ITGB3BP: variants seen among roughly 807,000 people sequenced by gnomAD.
ITGB3BP encodes the protein integrin subunit beta 3 binding protein, also known as centromere protein R.
In ITGB3BP, 27 loss-of-function variants were observed where a neutral mutation model predicts 29.1. The observed-to-expected ratio is 0.93, with a 90% CI of 0.68 to 1.28. ITGB3BP has a LOEUF of 1.28. ITGB3BP is among the 50% of genes most tolerant of loss of function. ITGB3BP has a pLI of 0.00. For synonymous variants in ITGB3BP, 61 were observed against 61.4 expected, an observed-to-expected ratio of 0.99 and a Z score of 0.03; for missense variants, 192 against 200.2, an observed-to-expected ratio of 0.96 and a Z score of 0.25.
chr1:63,492,115 C>T (rs1448330250), intron 2 of ITGB3BP, among the ~76,000 whole-genome samples: 3 of 152,024 alleles, frequency 2.0e-5, no homozygotes, highest in Non-Finnish European at 2.9e-5. Context: ...AACATTTTAA[C>T]TGTAGATCAT....
chr1:63,510,697 C>T (rs1646181503), intron 1 of ITGB3BP, among the ~76,000 whole-genome samples: 1 of 152,148 alleles, frequency 6.6e-6, no homozygotes, highest in Admixed American at 6.5e-5. Flanking sequence ...TATTGTCACA[C>T]ATCTTGAGGG....
intron 1 of ITGB3BP, among the ~76,000 whole-genome samples, chr1:63,521,572 C>G (rs930731221): frequency 3.9e-5 from 6 of 152,132 alleles, no homozygotes; most frequent in African/African-American, 1.4e-4. Flanking sequence ...TGGCTAACTC[C>G]TATAGTCCCA....
upstream of ITGB3BP, chr1:63,525,794 T>G (rs539813707): frequency 1.4e-6 from 2 of 1,401,040 alleles, no homozygotes; most frequent in Admixed American, 6.0e-5. Context: ...TTTCACCTTT[T>G]TGTTGAAAGT....
chr1:63,468,624 G>A (rs1298916671), intron 4 of ITGB3BP, among the ~76,000 whole-genome samples: 1 of 151,648 alleles, frequency 6.6e-6, no homozygotes, highest in Admixed American at 6.6e-5. Flanking sequence ...CACTTTGGGA[G>A]GCCGAGGCGG....
chr1:63,508,557 G>T lies in ITGB3BP; in HGVS notation c.19C>A (p.Leu7Met). 1.4e-6 allele frequency: 2 copies of T among 1,421,304 alleles called. No individual in the cohort carries two copies. Among genetic ancestry groups the T allele is most frequent in the Non-Finnish European group, 1.9e-6 (2 of 1,045,572 alleles). 88.0% of individuals were successfully genotyped at this position (1,421,304 alleles called of 1,614,324 possible). The change falls in exon 2 of 9, where the codon CTG (leucine) becomes ATG (methionine). Residue 7 changes from leucine to methionine, a missense_variant. Coordinates refer to ENST00000271002, the MANE Select transcript of ITGB3BP (RefSeq NM_014288.5). ...TCTTCTAACAGACCATCCAACTTCAGTGATCTTTTAACACTACAAACAAAA... is the reference window on the plus strand; with the variant it reads ...TCTTCTAACAGACCATCCAACTTCATTGATCTTTTAACACTACAAACAAAA... MPVKRS[L>M]KLDGLLEENS...
upstream of ITGB3BP, chr1:63,525,634 G>A (rs749832293): frequency 1.2e-6 from 2 of 1,603,100 alleles, no homozygotes; most frequent in Non-Finnish European, 1.7e-6. Context: ...CCTTCAGAGA[G>A]TCCTCGAACA....
intron 1 of ITGB3BP, among the ~76,000 whole-genome samples, chr1:63,513,840 A>T (rs752973088): frequency 6.6e-5 from 10 of 152,154 alleles, no homozygotes; most frequent in Non-Finnish European, 1.2e-4. Flanking sequence ...AACACATACC[A>T]CCATGGAAAG....
chr1:63,512,742 T>C lies in ITGB3BP; in HGVS notation c.6-4172A>G, dbSNP rs1032678239. 5.3e-5 allele frequency among the ~76,000 whole-genome samples: 8 copies of C among 152,324 alleles called. No homozygotes were observed. In the East Asian group the frequency reaches 1.2e-3, roughly 22 times the overall value. On this transcript the variant is annotated intron_variant, in intron 1 of 8. Coordinates refer to ENST00000271002, the MANE Select transcript of ITGB3BP (RefSeq NM_014288.5). ...ATAAAAATATCACTGAGTATTTCAGTGCTTCCATTTACTCCACACTATAAT... is the reference window on the plus strand; with the variant it reads ...ATAAAAATATCACTGAGTATTTCAGCGCTTCCATTTACTCCACACTATAAT...
intron 7 of ITGB3BP, among the ~76,000 whole-genome samples, chr1:63,451,109 A>T (rs1644853893): frequency 6.6e-6 from 1 of 151,892 alleles, no homozygotes; most frequent in African/African-American, 2.4e-5. Flanking sequence ...GACCAATTAG[A>T]AGAGGCAATG....
intron 8 of ITGB3BP, among the ~76,000 whole-genome samples, chr1:63,445,124 A>C (rs952102210): frequency 3.3e-5 from 5 of 152,008 alleles, no homozygotes; most frequent in Admixed American, 6.6e-5. Context: ...ATGTCTAATA[A>C]AAATACAAAC....
rs189929498 is a variant in ITGB3BP, at chr1:63,450,277, C to T, written c.485-3421G>A. 5.1e-3 allele frequency among the ~76,000 whole-genome samples: 774 copies of T among 152,022 alleles called. 4 individuals are homozygous for T. The highest frequency in any genetic ancestry group is 8.4e-3 in the Non-Finnish European group (572 of 67,806). The stretch of plus-strand genomic sequence containing the variant: ...TAAAATATGCATACTGCAACCTACA[C>T]AATTATTCTCAAAACAGATAAAATA... On this transcript the variant is annotated intron_variant, in intron 7 of 8. Transcript: ENST00000271002.
intron 2 of ITGB3BP, among the ~76,000 whole-genome samples, chr1:63,506,241 T>C (rs984010488): frequency 6.6e-6 from 1 of 152,220 alleles, no homozygotes; most frequent in African/African-American, 2.4e-5. Context: ...GCTCTTCTTG[T>C]TGAATTGATC....
At chr1:63,451,747 A>G (rs1014677699) in intron 7 of ITGB3BP, 1 of 151,490 alleles carries the variant, frequency 6.6e-6, no homozygotes, top group Non-Finnish European at 1.5e-5. Flanking sequence ...GCTTTAATCT[A>G]TTTTTTAGGC....
chr1:63,490,527 CT>C (rs1186606412), intron 2 of ITGB3BP, among the ~76,000 whole-genome samples: 6 of 152,136 alleles, frequency 3.9e-5, no homozygotes, highest in African/African-American at 1.4e-4. Flanking sequence ...CATACCCTGA[CT>C]TTTGCTTTCA....
At chr1:63,472,869 G>A (rs934668923) in intron 4 of ITGB3BP, among the ~76,000 whole-genome samples, 6 of 152,046 alleles carry the variant, frequency 3.9e-5, no homozygotes, top group Non-Finnish European at 7.4e-5. Flanking sequence ...CCAAAGTGCC[G>A]AGATTGCAGC....
chr1:63,509,868 G>A (rs766040178), intron 1 of ITGB3BP, among the ~76,000 whole-genome samples: 18 of 152,146 alleles, frequency 1.2e-4, no homozygotes, highest in Non-Finnish European at 2.4e-4. Flanking sequence ...ATTTGGGTAT[G>A]TAAGATGTTC....
intron 4 of ITGB3BP, among the ~76,000 whole-genome samples, chr1:63,472,961 C>A (rs1408772287): frequency 6.6e-6 from 1 of 151,424 alleles, no homozygotes; most frequent in South Asian, 2.1e-4. Flanking sequence ...AGGAGCCCCT[C>A]TGCCTGGCTG....
upstream of ITGB3BP, chr1:63,525,754 A>T (rs1646577698): frequency 2.6e-6 from 4 of 1,558,244 alleles, no homozygotes; most frequent in Non-Finnish European, 3.4e-6. Context: ...GATCAACTTT[A>T]CTTAGGTAAA....
At chr1:63,455,854 G>A (rs1252750307) in intron 4 of ITGB3BP, among the ~76,000 whole-genome samples, 1 of 148,914 alleles carries the variant, frequency 6.7e-6, no homozygotes, top group African/African-American at 2.5e-5. Context: ...CACACTAAAA[G>A]GAATAAAAAG....
Sources: gnomAD v4.1 joint callset for allele counts (sites outside exome capture counted in the v4.1 genomes callset) on GRCh38, gnomAD v4.1.1 for gene constraint, MANE v1.5 for transcripts, NCBI Gene and HGNC (gene_info 2026-07-23, HGNC 2026-07-21) for gene names.